Variants in EIF2AK2 observed in about 807,000 individuals in gnomAD.
EIF2AK2 encodes the protein interferon-induced, double-stranded RNA-activated protein kinase.
Under a neutral mutation model 70.5 loss-of-function variants are expected in EIF2AK2, and 40 were observed. The ratio of observed to expected loss-of-function variants is 0.57; its 90% CI spans 0.44 to 0.74. EIF2AK2 has a LOEUF of 0.74. EIF2AK2 is among the 30% of genes least tolerant of loss of function. EIF2AK2 has a pLI of 0.00. For synonymous variants in EIF2AK2, 198 were observed against 220.9 expected (o/e 0.90, Z 0.92); for missense variants, 555 against 644.3 (o/e 0.86, Z 1.50).
In EIF2AK2 at chr2:37,105,225, G is replaced by A. The variant is rs1336533477; in HGVS notation, c.*2048C>T. 1 of 152,154 alleles carries A rather than the reference G, an allele frequency of 6.6e-6. No individual in the cohort carries two copies. The highest frequency in any genetic ancestry group is 2.4e-5 in the African/African-American group (1 of 41,438). The allele number at this position is 152,154 out of a possible 1,614,324, so 9.4% of individuals were successfully genotyped here. On this transcript the variant is annotated 3_prime_UTR_variant, in exon 17 of 17. Transcript: ENST00000233057. ...TGGTAGCTGGTTGCTGCTATAGTTTGCATGTTTGTCCCCCAAAATCTCATG... is the reference window on the plus strand; with the variant it reads ...TGGTAGCTGGTTGCTGCTATAGTTTACATGTTTGTCCCCCAAAATCTCATG...
At chr2:37,142,962 C>T (rs1675385922) in intron 4 of EIF2AK2, among the ~76,000 whole-genome samples, 1 of 152,142 alleles carries the variant, frequency 6.6e-6, no homozygotes, top group South Asian at 2.1e-4. Context: ...GGCGCGGTGG[C>T]TCACACCTGT....
Position 37,126,358 on chromosome 2 carries a change from T to C in EIF2AK2, c.839A>G (p.Gln280Arg), listed in dbSNP as rs1674728730. The C allele has an allele frequency of 6.2e-7, 1 of 1,612,892 alleles. No individual in the cohort carries two copies. The highest frequency in any genetic ancestry group is 8.5e-7 in the Non-Finnish European group (1 of 1,179,574). The part of the protein sequence containing the change: ...IELIGSGGFG[Q>R]VFKAKHRIDG... Reference sequence around the variant, plus strand: ...AATTCTGTGTTTTGCTTTGAAAACTTGGCCAAATCCACCTGAGCCAATTAA... The same window carrying C: ...AATTCTGTGTTTTGCTTTGAAAACTCGGCCAAATCCACCTGAGCCAATTAA... The change falls in exon 11 of 17, where the codon CAA (glutamine) becomes CGA (arginine). Residue 280 changes from glutamine to arginine, a missense_variant. Physicochemically the swap from Gln to Arg is conservative, Grantham distance 43 (BLOSUM62 1). This residue lies in a region of EIF2AK2 where 299 missense variants were observed against 375.4 expected (regional missense o/e 0.80). Transcript: ENST00000233057.
At chr2:37,145,808 A>AGT (rs1017694087) in intron 4 of EIF2AK2, among the ~76,000 whole-genome samples, 11 of 121,634 alleles carry the variant, frequency 9.0e-5, no homozygotes, top group Non-Finnish European at 1.6e-4. Flanking sequence ...GCTGGAGTGC[A>AGT]GTGGCACAAC....
At position 37,120,076 on chromosome 2, in the gene EIF2AK2, C is replaced by T. The variant is rs1332581304; in HGVS notation, c.1131G>A (p.Trp377Ter). ...GTTTCTCGCCTCTTCTTTTTTCAATCCATTGTTCCAAGGTCCCTTTATCAC... is the reference window on the plus strand; with the variant it reads ...GTTTCTCGCCTCTTCTTTTTTCAATTCATTGTTCCAAGGTCCCTTTATCAC... ...EFCDKGTLEQ[W>*]IEKRRGEKLD... is the part of the protein sequence containing the mutation. Residue 377 changes from tryptophan (W) to a stop codon, truncating the protein, a stop_gained, in exon 13 of 17, where the codon TGG (tryptophan) becomes TGA (stop). Coordinates refer to ENST00000233057, the MANE Select transcript of EIF2AK2 (RefSeq NM_001135651.3). LOFTEE classifies it high-confidence loss of function. 16 of 1,532,488 alleles carry T rather than the reference C, an allele frequency of 1.0e-5. No homozygotes were observed. The highest frequency in any genetic ancestry group is 1.4e-5 in the Non-Finnish European group (16 of 1,134,956). 94.9% of individuals were successfully genotyped at this position (1,532,488 alleles called of 1,614,324 possible).
chr2:37,151,984 T>C (rs1462490492), intron 1 of EIF2AK2, among the ~76,000 whole-genome samples: 1 of 152,232 alleles, frequency 6.6e-6, no homozygotes, highest in African/African-American at 2.4e-5. Flanking sequence ...GAGAATGGCG[T>C]GAACCCGGCA....
intron 6 of EIF2AK2, 117 bp from the exon 7 acceptor site, chr2:37,138,702 A>G: frequency 1.3e-6 from 1 of 782,208 alleles, no homozygotes; most frequent in Non-Finnish European, 2.0e-6. Context: ...CCACAACCAT[A>G]AACAATTACA....
In EIF2AK2 at chr2:37,109,285, T is replaced by G. The variant is rs1227950108; in HGVS notation, c.1388A>C (p.Gln463Pro). 6.2e-7 allele frequency: 1 copy of G among 1,613,870 alleles called. No individual in the cohort carries two copies. The highest frequency in any genetic ancestry group is 8.5e-7 in the Non-Finnish European group (1 of 1,179,944). The change falls in exon 15 of 17, where the codon CAA becomes CCA. Residue 463 changes from glutamine (Q) to proline (P), a missense_variant. Physicochemically the swap from Gln to Pro is moderately conservative, Grantham distance 76. Transcript: ENST00000233057. Reference sequence around the variant, plus strand: ...GAGGTCCACTTCCTTTCCATAGTCTTGCGAAGAAATCTAAAGAGACCAAAA... The same window carrying G: ...GAGGTCCACTTCCTTTCCATAGTCTGGCGAAGAAATCTAAAGAGACCAAAA... The part of the protein sequence containing the change: ...RYMSPEQISS[Q>P]DYGKEVDLYA...
Position 37,100,969 on chromosome 2 carries a change from T to G in EIF2AK2, c.*6304A>C, listed in dbSNP as rs1419299309. On this transcript the variant is annotated 3_prime_UTR_variant, in exon 17 of 17. Transcript: ENST00000233057. ...TGACTGAGACTTGTATTTACTTGAA[T>G]GGCATCAGAATCCTGCTACTAACCT... 1 of 152,236 alleles carries G rather than the reference T, an allele frequency of 6.6e-6. No individual in the cohort carries two copies. The highest frequency in any genetic ancestry group is 1.5e-5 in the Non-Finnish European group (1 of 68,038). The allele number at this position is 152,236 out of a possible 1,614,324, so 9.4% of individuals were successfully genotyped here.
rs909115969 is a variant in EIF2AK2 at position 37,099,984 on chromosome 2, GA to G, written c.*7288del. The G allele has an allele frequency of 6.6e-6, 1 of 152,198 alleles. No homozygotes were observed. Among genetic ancestry groups the G allele is most frequent in the African/African-American group, 2.4e-5 (1 of 41,432 alleles). The allele number at this position is 152,198 out of a possible 1,614,324, so 9.4% of individuals were successfully genotyped here. On this transcript the variant is annotated 3_prime_UTR_variant, in exon 17 of 17. Coordinates refer to ENST00000233057, the MANE Select transcript of EIF2AK2 (RefSeq NM_001135651.3). ...GATTAGTGGTTACCTAGAGTTGTGA[GA>G]AAACAGAGTGAATACTAACGGGCAT...
intron 13 of EIF2AK2, among the ~76,000 whole-genome samples, chr2:37,117,116 C>T (rs548128527): frequency 4.9e-4 from 74 of 150,526 alleles, no homozygotes; most frequent in Middle Eastern, 3.4e-3. Context: ...GAGAGGCTGA[C>T]GCAGGAGAAT....
rs1470497826 is a variant in EIF2AK2 at position 37,104,543 on chromosome 2, ATCCT to A, written c.*2726_*2729del. On this transcript the variant is annotated 3_prime_UTR_variant, in exon 17 of 17. Transcript: ENST00000233057. ...CTGTGTTGCCCAGGCTAGTCTCAAA[ATCCT>A]ATGCTCAAGCCATCCTCCCCTTTTG... 1.3e-5 allele frequency: 2 copies of A among 152,052 alleles called. No individual in the cohort carries two copies. Among genetic ancestry groups the A allele is most frequent in the African/African-American group, 4.8e-5 (2 of 41,396 alleles). 9.4% of individuals were successfully genotyped at this position (152,052 alleles called of 1,614,324 possible). A position where few individuals can be genotyped will look rare whatever the true frequency, so the allele number is the denominator to read the frequency against.
intron 4 of EIF2AK2, among the ~76,000 whole-genome samples, chr2:37,145,335 G>A (rs1231603363): frequency 2.0e-5 from 3 of 152,076 alleles, no homozygotes; most frequent in Non-Finnish European, 4.4e-5. Flanking sequence ...TAGAGACAGG[G>A]TTTCACCGTG....
chr2:37,141,388 G>C (rs1489264491), intron 5 of EIF2AK2, among the ~76,000 whole-genome samples, 165 bp downstream of exon 5: 5 of 152,104 alleles, frequency 3.3e-5, no homozygotes, highest in Non-Finnish European at 7.4e-5. Context: ...CAGCAATTAA[G>C]CATTTTAATT....
chr2:37,142,154 AG>A (rs1330674379), intron 4 of EIF2AK2, among the ~76,000 whole-genome samples: 8 of 152,180 alleles, frequency 5.3e-5, no homozygotes, highest in African/African-American at 1.9e-4. Flanking sequence ...TTTTTCAGAC[AG>A]GGTGTCACTT....
In EIF2AK2 at chr2:37,128,869, C is replaced by T. The variant is rs1674843344; in HGVS notation, c.786-2458G>A. 2.0e-5 allele frequency among the ~76,000 whole-genome samples: 3 copies of T among 152,270 alleles called. No homozygotes were observed. The South Asian group carries it at 6.2e-4, about 32-fold the overall frequency. On this transcript the variant is annotated intron_variant, in intron 10 of 16. Coordinates refer to ENST00000233057, the MANE Select transcript of EIF2AK2 (RefSeq NM_001135651.3). ...ACATGATTACCTGTCTCCTCACGGG[C>T]ATGGACAAAAATGCCCATAAGGCAG...
chr2:37,132,109 G>C (rs1209918074), intron 10 of EIF2AK2, among the ~76,000 whole-genome samples: 2 of 152,110 alleles, frequency 1.3e-5, no homozygotes, highest in Admixed American at 6.6e-5. Context: ...CATTTCTTTA[G>C]GGAACCGTGA....
rs1397108024 is a variant in EIF2AK2 at position 37,105,185 on chromosome 2, A to AT, written c.*2087dup. On this transcript the variant is annotated 3_prime_UTR_variant, in exon 17 of 17. Transcript: ENST00000233057. ...CCCTTTTTAAAAATCCTAAAATCAT[A>AT]TGGCAGTTTTAGAATGGTAGCTGGT... is the stretch of plus-strand genomic sequence containing the variant. 1 of 151,834 alleles carries AT rather than the reference A, an allele frequency of 6.6e-6. No homozygotes were observed. The allele number at this position is 151,834 out of a possible 1,614,324, so 9.4% of individuals were successfully genotyped here.
chr2:37,143,798 C>T (rs555989498), intron 4 of EIF2AK2, among the ~76,000 whole-genome samples: 81 of 151,926 alleles, frequency 5.3e-4, no homozygotes, highest in Non-Finnish European at 1.0e-3. Flanking sequence ...GTGGGAGGAT[C>T]ACCTGAGCCT....
intron 1 of EIF2AK2, among the ~76,000 whole-genome samples, chr2:37,155,431 C>G (rs903026568): frequency 2.6e-5 from 4 of 152,196 alleles, no homozygotes; most frequent in African/African-American, 7.2e-5. Context: ...CTTTTCTCTA[C>G]ATTTATAGTG....
Sources: gnomAD v4.1 joint callset for allele counts (sites outside exome capture counted in the v4.1 genomes callset) on GRCh38, gnomAD v4.1.1 for gene constraint, gnomAD v4.1.1 regional missense constraint, MANE v1.5 for transcripts, NCBI Gene and HGNC (gene_info 2026-07-23, HGNC 2026-07-21) for gene names.